Variants in TRIP10 observed in about 807,000 individuals in gnomAD.
The protein encoded by TRIP10 is cdc42-interacting protein 4.
A neutral mutation model predicts 80.9 loss-of-function variants in TRIP10; 54 were observed. That is an observed-to-expected ratio of 0.67 (90% CI 0.54 to 0.84). TRIP10 has a LOEUF of 0.84. Among genes scored for constraint, TRIP10 ranks in the 40% least tolerant of loss-of-function variants. The probability of loss-of-function intolerance (pLI) is 0.00; values close to 1 mark genes in which losing one functional copy is unlikely to be tolerated. For missense variants in TRIP10, 773 were observed against 815.3 expected, an observed-to-expected ratio of 0.95 and a Z score of 0.63; for synonymous variants, 321 against 307.2, an observed-to-expected ratio of 1.04 and a Z score of -0.47.
chr19:6,749,130 CAA>C (rs370484182), intron 11 of TRIP10, among the ~76,000 whole-genome samples: 89 of 152,048 alleles, frequency 5.9e-4, no homozygotes, highest in African/African-American at 2.0e-3. Context: ...TTACTAGAGA[CAA>C]AGTCTCACAC....
chr19:6,743,654 C>T, intron 6 of TRIP10, 54 bp from the exon 7 acceptor site: 1 of 1,611,476 alleles, frequency 6.2e-7, no homozygotes, highest in Non-Finnish European at 8.5e-7. Context: ...CTTGGGGAGT[C>T]CGAGTGGGAC....
intron 1 of TRIP10, among the ~76,000 whole-genome samples, chr19:6,740,505 T>A (rs1204833258): frequency 1.3e-5 from 2 of 152,148 alleles, no homozygotes; most frequent in Non-Finnish European, 2.9e-5. Context: ...ATTCTGCGAT[T>A]TCTTTTGGAT....
rs1469414449 is a variant in TRIP10, at chr19:6,744,845, C to A, written c.835C>A (p.Pro279Thr). 2 of 1,614,238 alleles carry A rather than the reference C, an allele frequency of 1.2e-6. No homozygotes were observed. Among genetic ancestry groups the A allele is most frequent in the East Asian group, 4.5e-5 (2 of 44,878 alleles). ...IELHKSGFARPGDVEFEDFSQ... is the reference protein window; with the variant it reads ...IELHKSGFARTGDVEFEDFSQ... The stretch of plus-strand genomic sequence containing the variant: ...GCTGCACAAGTCAGGTTTTGCCCGC[C>A]CGGGCGACGTGGAATTCGAGGACTT... The change falls in exon 9 of 15, where the codon CCG becomes ACG. Residue 279 changes from proline (P) to threonine (T), a missense_variant. Physicochemically the swap from Pro to Thr is conservative, Grantham distance 38. Coordinates refer to ENST00000313244, the MANE Select transcript of TRIP10 (RefSeq NM_001288962.2). The surrounding 1 kb of genome is among the most constrained non-coding windows in gnomAD (Gnocchi z 4.9).
Position 6,746,374 on chromosome 19 carries a change from T to G in TRIP10, c.1153-78T>G. On this transcript the variant is annotated intron_variant, in intron 10 of 14. Transcript: ENST00000313244. This position sits in a 1 kb window ranked among gnomAD's most constrained non-coding sequence, Gnocchi z 6.2. The stretch of plus-strand genomic sequence containing the variant: ...CAAGAACCATGGCTGGGGAAGGGAG[T>G]GAAATATCTCAGACGGGTGCAGAGT... 1.3e-6 allele frequency: 2 copies of G among 1,572,394 alleles called. No homozygotes were observed. The highest frequency in any genetic ancestry group is 1.7e-6 in the Non-Finnish European group (2 of 1,151,948).
At chr19:6,748,573 T>C (rs1969198769) in intron 11 of TRIP10, 1 of 152,226 alleles carries the variant, frequency 6.6e-6, no homozygotes, top group Admixed American at 6.5e-5. Flanking sequence ...GGCAGGCAGA[T>C]GGCTTGAGAC....
Position 6,743,781 on chromosome 19 carries a change from G to T in TRIP10, c.587G>T (p.Arg196Leu). Residue 196 changes from arginine (R) to leucine (L), a missense_variant, in exon 7 of 15, where the codon CGC becomes CTC. By Grantham distance (102) the Arg-to-Leu change is moderately radical. Coordinates refer to ENST00000313244, the MANE Select transcript of TRIP10 (RefSeq NM_001288962.2). Reference protein sequence around the residue: ...SKNEYAAQLQRFNRDQAHFYF... With the variant: ...SKNEYAAQLQLFNRDQAHFYF... Reference sequence around the variant, plus strand: ...AACGAATATGCGGCTCAACTGCAGCGCTTCAACCGAGACCAAGCCCACTTC... The same window carrying T: ...AACGAATATGCGGCTCAACTGCAGCTCTTCAACCGAGACCAAGCCCACTTC... 6.2e-7 allele frequency: 1 copy of T among 1,614,094 alleles called. No individual in the cohort carries two copies. The highest frequency in any genetic ancestry group is 8.5e-7 in the Non-Finnish European group (1 of 1,180,026).
At position 6,744,499 on chromosome 19, in the gene TRIP10, T is replaced by C; in HGVS notation, c.643-55T>C. On this transcript the variant is annotated intron_variant, in intron 7 of 14. Transcript: ENST00000313244. This position sits in a 1 kb window ranked among gnomAD's most constrained non-coding sequence, Gnocchi z 4.9. ...ATCATATTTGCAGAGTGAATCACTG[T>C]GCTTCTAGTCCCTCTGTTAGCACCC... 6.2e-7 allele frequency: 1 copy of C among 1,608,488 alleles called. No homozygotes were observed. Among genetic ancestry groups the C allele is most frequent in the Non-Finnish European group, 8.5e-7 (1 of 1,178,348 alleles).
intron 1 of TRIP10, among the ~76,000 whole-genome samples, chr19:6,740,462 G>C (rs1968879900): frequency 6.6e-6 from 1 of 152,222 alleles, no homozygotes; most frequent in Non-Finnish European, 1.5e-5. Context: ...TCTTAGTGCA[G>C]CGGGGGTAAC....
At chr19:6,743,322 T>TCAGGGAGCTGCCCTCTTTGTCAGA in intron 5 of TRIP10, 66 bp downstream of exon 5, 1 of 1,592,886 alleles carries the variant, frequency 6.3e-7, no homozygotes, top group African/African-American at 1.3e-5. Flanking sequence ...GGATCCGGAG[T>TCAGGGAGCTGCCCTCTTTGTCAGA]CAGGGAGCTG....
chr19:6,747,824 G>A (rs1969182805), intron 11 of TRIP10, among the ~76,000 whole-genome samples: 1 of 151,670 alleles, frequency 6.6e-6, no homozygotes, highest in Non-Finnish European at 1.5e-5. Flanking sequence ...TAATACATTA[G>A]CCGAGCACAG....
In TRIP10 at chr19:6,746,325, T is replaced by G; in HGVS notation, c.1153-127T>G. The G allele has an allele frequency of 6.6e-7, 1 of 1,519,758 alleles. No homozygotes were observed. Among genetic ancestry groups the G allele is most frequent in the Non-Finnish European group, 8.9e-7 (1 of 1,124,950 alleles). 94.1% of individuals were successfully genotyped at this position (1,519,758 alleles called of 1,614,324 possible). A position where few individuals can be genotyped will look rare whatever the true frequency, so the allele number is the denominator to read the frequency against. The stretch of plus-strand genomic sequence containing the variant: ...CCTGGTTGCCCAACCCAGACCTGCT[T>G]TGCTCTGTGCATGGCTTCGCTGTCA... On this transcript the variant is annotated intron_variant, in intron 10 of 14. Coordinates refer to ENST00000313244, the MANE Select transcript of TRIP10 (RefSeq NM_001288962.2). This position sits in a 1 kb window ranked among gnomAD's most constrained non-coding sequence, Gnocchi z 6.2.
In TRIP10 at chr19:6,741,242, A is replaced by T. The variant is rs551906946; in HGVS notation, c.158A>T (p.Tyr53Phe). The T allele has an allele frequency of 6.2e-7, 1 of 1,612,084 alleles. No homozygotes were observed. Among genetic ancestry groups the T allele is most frequent in the African/African-American group, 1.3e-5 (1 of 75,020 alleles). The change falls in exon 3 of 15, where the codon TAT becomes TTT. Residue 53 changes from tyrosine (Y) to phenylalanine (F), a missense_variant. Tyr to Phe is a conservative substitution (Grantham distance 22). Transcript: ENST00000313244. ...AKQLRSLVKK[Y>F]LPKRPAKDDP... ...CCCCTTAGGAGCCTGGTGAAAAAAT[A>T]TCTGCCCAAGAGACCTGCCAAGGAT... is the stretch of plus-strand genomic sequence containing the variant.
chr19:6,745,542 C>T lies in TRIP10; in HGVS notation c.985-487C>T. 1.0e-6 allele frequency: 1 copy of T among 985,172 alleles called. No individual in the cohort carries two copies. The highest frequency in any genetic ancestry group is 1.7e-5 in the African/African-American group (1 of 57,326). 61.0% of individuals were successfully genotyped at this position (985,172 alleles called of 1,614,324 possible). On this transcript the variant is annotated intron_variant, in intron 9 of 14. Transcript: ENST00000313244. This position sits in a 1 kb window ranked among gnomAD's most constrained non-coding sequence, Gnocchi z 7.2. ...CTCTCATTTTCCTGCCTTCCACTCC[C>T]TCTCGGCTTGTGGTTTTATTTTTGT...
intron 7 of TRIP10, 27 bp downstream of exon 7, chr19:6,743,863 C>A: frequency 1.2e-6 from 2 of 1,611,682 alleles, no homozygotes; most frequent in Admixed American, 1.7e-5. Flanking sequence ...CTCAGACCTA[C>A]CTTCCCGAAA....
rs569983980 is a variant in TRIP10, at chr19:6,750,543, G to A, written c.1567G>A (p.Asp523Asn). 6.2e-7 allele frequency: 1 copy of A among 1,614,166 alleles called. No homozygotes were observed. The highest frequency in any genetic ancestry group is 1.1e-5 in the South Asian group (1 of 91,082). Reference sequence around the variant, plus strand: ...AGAGCCTCCCTCAGAAGAGAGCCAGGACACCCCCATTTACACGGAGTTTGA... The same window carrying A: ...AGAGCCTCCCTCAGAAGAGAGCCAGAACACCCCCATTTACACGGAGTTTGA... ...SEEPPSEESQ[D>N]TPIYTEFDED... The change falls in exon 14 of 15, where the codon GAC becomes AAC. Residue 523 changes from aspartate (D) to asparagine (N), a missense_variant. Asp to Asn is a conservative substitution (Grantham distance 23). Coordinates refer to ENST00000313244, the MANE Select transcript of TRIP10 (RefSeq NM_001288962.2).
In TRIP10 at chr19:6,744,309, T is replaced by C. The variant is rs1016267190; in HGVS notation, c.643-245T>C. On this transcript the variant is annotated intron_variant, in intron 7 of 14. Transcript: ENST00000313244. This position sits in a 1 kb window ranked among gnomAD's most constrained non-coding sequence, Gnocchi z 4.9. The stretch of plus-strand genomic sequence containing the variant: ...CTTTTTCTTCAAATCCCTGTTCCCT[T>C]GTCTCCTCCTTTGAGAAGCCTTTGC... Among the ~76,000 whole-genome samples, 2 of 152,156 alleles carry C rather than the reference T, an allele frequency of 1.3e-5. 1 individual carries two copies. Among genetic ancestry groups the C allele is most frequent in the African/African-American group, 4.8e-5 (2 of 41,434 alleles).
intron 11 of TRIP10, chr19:6,748,935 T>C (rs1969206841): frequency 6.6e-6 from 1 of 151,726 alleles, no homozygotes; most frequent in African/African-American, 2.4e-5. Context: ...CAGTATTTAT[T>C]AGTCACTTAC....
chr19:6,741,392 T>A (rs1968915633), intron 3 of TRIP10, 111 bp downstream of exon 3: 1 of 1,247,808 alleles, frequency 8.0e-7, no homozygotes, highest in Admixed American at 2.0e-5. Context: ...CTTCCCCTTC[T>A]AGAGGTGAGA....
chr19:6,746,533 C>T lies in TRIP10; in HGVS notation c.1234C>T (p.Arg412Cys), dbSNP rs776329646. 8.7e-6 allele frequency: 14 copies of T among 1,614,020 alleles called. No individual in the cohort carries two copies. Among genetic ancestry groups the T allele is most frequent in the East Asian group, 2.2e-5 (1 of 44,890 alleles). ...RLQQQLEERS[R>C]ELQKEVDQRE... is the part of the protein sequence containing the mutation. ...TCAACAGCAGTTGGAAGAACGCAGT[C>T]GTGAACTTCAGAAGGAGGTTGACCA... Residue 412 changes from arginine to cysteine, a missense_variant, in exon 11 of 15, where the codon CGT (arginine) becomes TGT (cysteine). Arg to Cys is a radical substitution (Grantham distance 180, BLOSUM62 -3). Transcript: ENST00000313244. The surrounding 1 kb of genome is among the most constrained non-coding windows in gnomAD (Gnocchi z 6.2).
Sources: allele counts gnomAD v4.1 joint callset (sites outside exome capture counted in the v4.1 genomes callset), GRCh38; gene constraint gnomAD v4.1.1; non-coding constraint Gnocchi (gnomAD v3.1); transcripts MANE v1.5; gene names NCBI Gene and HGNC (gene_info 2026-07-23, HGNC 2026-07-21).